Variants in TACR3 observed in about 807,000 individuals in gnomAD.
TACR3 encodes tachykinin receptor 3, also known as neuromedin-K receptor.
A neutral mutation model predicts 35.0 loss-of-function variants in TACR3; 34 were observed. That is an observed-to-expected ratio of 0.97 (90% CI 0.74 to 1.30). The LOEUF is 1.30. TACR3 is among the 50% of genes most tolerant of loss of function. The probability of loss-of-function intolerance (pLI) is 0.00; values close to 1 mark genes in which losing one functional copy is unlikely to be tolerated. For missense variants in TACR3, 558 were observed against 591.7 expected (o/e 0.94, Z 0.59); for synonymous variants, 233 against 221.1 (o/e 1.05, Z -0.48).
intron 1 of TACR3, among the ~76,000 whole-genome samples, chr4:103,677,348 C>A (rs1726191056): frequency 6.6e-6 from 1 of 152,094 alleles, no homozygotes; most frequent in South Asian, 2.1e-4. Context: ...ACCCAGCAAT[C>A]CCATTACTGA....
chr4:103,667,916 C>T (rs1026026838), intron 1 of TACR3, among the ~76,000 whole-genome samples: 2 of 152,102 alleles, frequency 1.3e-5, no homozygotes, highest in African/African-American at 4.8e-5. Flanking sequence ...GCAATCTCTG[C>T]CTCCTGGGCT....
intron 1 of TACR3, among the ~76,000 whole-genome samples, chr4:103,673,797 G>A (rs1325301070): frequency 6.6e-6 from 1 of 152,158 alleles, no homozygotes; most frequent in Non-Finnish European, 1.5e-5. Flanking sequence ...ATGCCTGTAT[G>A]TGTTAGGTTG....
At chr4:103,595,884 A>G (rs1401569248) in intron 3 of TACR3, among the ~76,000 whole-genome samples, 14 of 140,634 alleles carry the variant, frequency 1.0e-4, no homozygotes, top group African/African-American at 3.7e-4. Context: ...ATATCTCCCA[A>G]TGCTATCCCT....
chr4:103,614,897 T>G (rs1165592485), intron 3 of TACR3, among the ~76,000 whole-genome samples: 2 of 124,070 alleles, frequency 1.6e-5, no homozygotes, highest in East Asian at 4.8e-4. Context: ...TTTTTTTTTT[T>G]TTTTTTTTTT....
At chr4:103,609,407 T>TA (rs1724465112) in intron 3 of TACR3, among the ~76,000 whole-genome samples, 1 of 152,154 alleles carries the variant, frequency 6.6e-6, no homozygotes, top group Non-Finnish European at 1.5e-5. Context: ...AACTGCTTTT[T>TA]ATTATAAGAA....
intron 3 of TACR3, among the ~76,000 whole-genome samples, chr4:103,622,606 G>A (rs1052629186): frequency 2.0e-5 from 3 of 152,164 alleles, no homozygotes; most frequent in Admixed American, 6.5e-5. Context: ...GCGTGTGCCT[G>A]TAGTCCCAGC....
rs1723855006 is a variant in TACR3 at position 103,589,852 on chromosome 4, T to C, written c.1228A>G (p.Thr410Ala). Residue 410 changes from threonine to alanine, a missense_variant, in exon 5 of 5, where the codon ACA becomes GCA. Transcript: ENST00000304883. ...GCATCGTTGGGGTCAAACACGACTG[T>C]CATGGACTCCATTCTGGTCACGGTG... ...MYTVTRMESM[T>A]VVFDPNDADT... 6.2e-7 allele frequency: 1 copy of C among 1,613,958 alleles called. No individual in the cohort carries two copies. Among genetic ancestry groups the C allele is most frequent in the Admixed American group, 1.7e-5 (1 of 59,988 alleles).
At chr4:103,674,318 T>G (rs1339562274) in intron 1 of TACR3, among the ~76,000 whole-genome samples, 2 of 151,884 alleles carry the variant, frequency 1.3e-5, no homozygotes, top group Admixed American at 1.3e-4. Context: ...TTTTTCTGTT[T>G]TTTTTTTTTC....
At chr4:103,679,127 A>G (rs1381112283) in intron 1 of TACR3, among the ~76,000 whole-genome samples, 1 of 152,088 alleles carries the variant, frequency 6.6e-6, no homozygotes, top group Non-Finnish European at 1.5e-5. Flanking sequence ...GACATCCTCT[A>G]TGTTGCATTA....
At chr4:103,607,903 G>T (rs2110295640) in intron 3 of TACR3, among the ~76,000 whole-genome samples, 1 of 152,238 alleles carries the variant, frequency 6.6e-6, no homozygotes, top group East Asian at 1.9e-4. Flanking sequence ...AGGAGGGATT[G>T]CCAGTCCTGT....
At chr4:103,687,053 C>G (rs1369834648) in intron 1 of TACR3, among the ~76,000 whole-genome samples, 1 of 152,052 alleles carries the variant, frequency 6.6e-6, no homozygotes, top group Non-Finnish European at 1.5e-5. Flanking sequence ...CCACCATGAT[C>G]AAGTGGGCTT....
chr4:103,665,802 T>C (rs947512615), intron 1 of TACR3, among the ~76,000 whole-genome samples: 2 of 152,170 alleles, frequency 1.3e-5, no homozygotes, highest in Non-Finnish European at 2.9e-5. Flanking sequence ...AATCTGACTT[T>C]TAAAGTTCCC....
chr4:103,668,438 T>TG (rs1193462863), intron 1 of TACR3, among the ~76,000 whole-genome samples: 1 of 152,214 alleles, frequency 6.6e-6, no homozygotes, highest in Non-Finnish European at 1.5e-5. Context: ...TGGTAGCTGC[T>TG]GACTGATCAG....
At chr4:103,646,890 A>G (rs1739943236) in intron 3 of TACR3, among the ~76,000 whole-genome samples, 1 of 152,010 alleles carries the variant, frequency 6.6e-6, no homozygotes, top group Non-Finnish European at 1.5e-5. Context: ...GAAGATATCT[A>G]TAGTTTTCTT....
At chr4:103,661,183 G>A (rs1402134847) in intron 1 of TACR3, among the ~76,000 whole-genome samples, 1 of 151,696 alleles carries the variant, frequency 6.6e-6, no homozygotes, top group Non-Finnish European at 1.5e-5. Flanking sequence ...TGTGTTATAT[G>A]TGTGTGTGTG....
chr4:103,644,039 A>T (rs188828031), intron 3 of TACR3, among the ~76,000 whole-genome samples: 2 of 152,004 alleles, frequency 1.3e-5, no homozygotes, highest in African/African-American at 2.4e-5. Context: ...ACCACAAAAA[A>T]AAATAAAAAC....
intron 1 of TACR3, among the ~76,000 whole-genome samples, chr4:103,658,778 C>T (rs1432571664): frequency 1.3e-5 from 2 of 152,088 alleles, no homozygotes; most frequent in Non-Finnish European, 2.9e-5. Flanking sequence ...TTTCCATGGA[C>T]TGGCAGTGGG....
chr4:103,710,388 A>G (rs1722915457), intron 1 of TACR3, among the ~76,000 whole-genome samples: 1 of 152,186 alleles, frequency 6.6e-6, no homozygotes, highest in Non-Finnish European at 1.5e-5. Flanking sequence ...GAAACTGAAC[A>G]ACGTGCTCCT....
intron 2 of TACR3, among the ~76,000 whole-genome samples, chr4:103,656,696 T>G (rs1433690956): frequency 6.6e-6 from 1 of 152,000 alleles, no homozygotes; most frequent in East Asian, 1.9e-4. Flanking sequence ...AATGTATCAT[T>G]GGAGGAAAAG....
Sources: gnomAD v4.1 joint callset for allele counts (sites outside exome capture counted in the v4.1 genomes callset) on GRCh38, gnomAD v4.1.1 for gene constraint, MANE v1.5 for transcripts, NCBI Gene and HGNC (gene_info 2026-07-23, HGNC 2026-07-21) for gene names.